The following NRF1 variants were observed in gnomAD, a reference collection of about 807,000 sequenced individuals.
NRF1 encodes the protein nuclear respiratory factor 1.
NRF1 carries 5 observed loss-of-function variants against 58.5 expected under a neutral mutation model. The ratio of observed to expected loss-of-function variants is 0.09; its 90% CI spans 0.04 to 0.18. NRF1 has a LOEUF of 0.18. Among genes scored for constraint, NRF1 ranks in the 10% least tolerant of loss-of-function variants. The pLI, the probability that NRF1 is intolerant of heterozygous loss-of-function variation, is 1.00. For synonymous variants in NRF1, 224 were observed against 246.7 expected, an observed-to-expected ratio of 0.91 and a Z score of 0.86; for missense variants, 288 against 657.7, an observed-to-expected ratio of 0.44 and a Z score of 6.15.
At chr7:129,660,283 T>TTCCAA (rs1381455046) in intron 2 of NRF1, among the ~76,000 whole-genome samples, 2 of 144,608 alleles carry the variant, frequency 1.4e-5, no homozygotes, top group East Asian at 3.9e-4. Context: ...AACCATATTA[T>TTCCAA]TCCACCCCTG....
At chr7:129,633,924 C>CTGTGGTGAT (rs1445686859) in intron 1 of NRF1, 2 of 150,656 alleles carry the variant, frequency 1.3e-5, no homozygotes, top group African/African-American at 4.9e-5. Context: ...TAACGGCAGG[C>CTGTGGTGAT]TGTGGTGATT....
At chr7:129,644,153 C>T (rs755743733) in intron 1 of NRF1, among the ~76,000 whole-genome samples, 6 of 152,174 alleles carry the variant, frequency 3.9e-5, no homozygotes, top group Non-Finnish European at 7.3e-5. Context: ...TTTTAAATGG[C>T]GAAAGCCTAC....
intron 10 of NRF1, among the ~76,000 whole-genome samples, chr7:129,740,555 C>G (rs1803822279): frequency 6.6e-6 from 1 of 152,190 alleles, no homozygotes; most frequent in South Asian, 2.1e-4. Flanking sequence ...ATTACCAGGC[C>G]TTTTCTGTCA....
In NRF1 at chr7:129,715,100, C is replaced by T. The variant is rs558551959; in HGVS notation, c.1066-2119C>T. On this transcript the variant is annotated intron_variant, in intron 8 of 10. Transcript: ENST00000393232. ...ATCAACCAGTATTTATTGAGCAAAACGGACTGAAGTAACTAGATACAGGTA... is the reference window on the plus strand; with the variant it reads ...ATCAACCAGTATTTATTGAGCAAAATGGACTGAAGTAACTAGATACAGGTA... 7.2e-5 allele frequency among the ~76,000 whole-genome samples: 11 copies of T among 152,260 alleles called. No homozygotes were observed. The East Asian group carries it at 1.5e-3, about 21-fold the overall frequency.
At chr7:129,716,147 A>C (rs1803183828) in intron 8 of NRF1, among the ~76,000 whole-genome samples, 1 of 152,216 alleles carries the variant, frequency 6.6e-6, no homozygotes. Context: ...GATATGTAGA[A>C]TATGCTGCCA....
intron 5 of NRF1, among the ~76,000 whole-genome samples, chr7:129,696,060 T>TTA (rs777936919): frequency 1.9e-5 from 1 of 53,388 alleles, no homozygotes; most frequent in African/African-American, 1.3e-4. Flanking sequence ...CCGTCTCTAC[T>TTA]AAAAAAAAAA....
intron 1 of NRF1, among the ~76,000 whole-genome samples, chr7:129,643,500 G>T (rs1801339549): frequency 1.3e-5 from 2 of 152,222 alleles, no homozygotes; most frequent in African/African-American, 2.4e-5. Flanking sequence ...GGGAGCAGCT[G>T]TGGACAAACA....
chr7:129,714,525 C>T (rs1803145227), intron 8 of NRF1, among the ~76,000 whole-genome samples: 1 of 152,136 alleles, frequency 6.6e-6, no homozygotes, highest in Non-Finnish European at 1.5e-5. Context: ...TGCAGCTTGC[C>T]TCTTATGGTG....
intron 4 of NRF1, among the ~76,000 whole-genome samples, chr7:129,683,288 A>AGTGTGT (rs35691853): frequency 0.031 from 4,396 of 140,282 alleles, 82 homozygotes; most frequent in Non-Finnish European, 0.04. Flanking sequence ...TCATGTGGAG[A>AGTGTGT]GTGTGTGTGT....
intron 4 of NRF1, among the ~76,000 whole-genome samples, chr7:129,689,772 C>T (rs1195232940): frequency 6.6e-6 from 1 of 152,194 alleles, no homozygotes; most frequent in Non-Finnish European, 1.5e-5. Flanking sequence ...TGTCACCAAG[C>T]CCTACCAGAA....
intron 10 of NRF1, among the ~76,000 whole-genome samples, chr7:129,735,726 C>T (rs968028905): frequency 1.3e-5 from 2 of 151,286 alleles, no homozygotes; most frequent in Non-Finnish European, 2.9e-5. Flanking sequence ...AACTATAAGA[C>T]CACCGGGCGC....
intron 10 of NRF1, among the ~76,000 whole-genome samples, chr7:129,733,168 A>G (rs1803623269): frequency 6.6e-6 from 1 of 152,200 alleles, no homozygotes; most frequent in Non-Finnish European, 1.5e-5. Context: ...TTTAAAGTTC[A>G]TTTGAAAGAA....
At chr7:129,675,547 G>A (rs1802157803) in intron 3 of NRF1, among the ~76,000 whole-genome samples, 1 of 152,160 alleles carries the variant, frequency 6.6e-6, no homozygotes, top group Non-Finnish European at 1.5e-5. Flanking sequence ...TGATCCATGG[G>A]CTGCAGAATG....
intron 10 of NRF1, among the ~76,000 whole-genome samples, chr7:129,750,548 T>G (rs182957734): frequency 6.6e-6 from 1 of 152,272 alleles, no homozygotes; most frequent in African/African-American, 2.4e-5. Context: ...AGAAACTCTA[T>G]GTAGAAAACA....
At chr7:129,746,599 C>T (rs1403715084) in intron 10 of NRF1, among the ~76,000 whole-genome samples, 2 of 152,176 alleles carry the variant, frequency 1.3e-5, no homozygotes, top group African/African-American at 4.8e-5. Flanking sequence ...CCTAGAAACA[C>T]CTATAGATAC....
intron 9 of NRF1, among the ~76,000 whole-genome samples, chr7:129,718,556 C>T (rs1163202269): frequency 2.0e-5 from 3 of 152,110 alleles, no homozygotes; most frequent in African/African-American, 4.8e-5. Context: ...ACTCTTATTG[C>T]GGAGACTGAT....
At chr7:129,754,984 A>T in intron 10 of NRF1, 34 bp from the exon 11 acceptor site, 1 of 1,530,336 alleles carries the variant, frequency 6.5e-7, no homozygotes, top group Non-Finnish European at 8.8e-7. Flanking sequence ...CTTGAGCCTG[A>T]GCCCCACCAA....
At chr7:129,728,388 G>C (rs577549622) in intron 10 of NRF1, among the ~76,000 whole-genome samples, 1 of 139,926 alleles carries the variant, frequency 7.1e-6, no homozygotes, top group South Asian at 2.3e-4. Context: ...AAAATCGCTT[G>C]AACCCGAGAG....
rs186163659 is a variant in NRF1, at chr7:129,673,280, T to C, written c.338+1737T>C. Among the ~76,000 whole-genome samples the C allele has an allele frequency of 1.7e-4, 26 of 152,254 alleles. No individual in the cohort carries two copies. The East Asian group carries it at 4.4e-3, about 26-fold the overall frequency. On this transcript the variant is annotated intron_variant, in intron 3 of 10. Coordinates refer to ENST00000393232, the MANE Select transcript of NRF1 (RefSeq NM_005011.5). The stretch of plus-strand genomic sequence containing the variant: ...ATTGGAGACAGTGAATATAAACCAT[T>C]GTTTCAAGGAATTCCATCAGATTTC...
Sources: gnomAD v4.1 joint callset for allele counts (sites outside exome capture counted in the v4.1 genomes callset) on GRCh38, gnomAD v4.1.1 for gene constraint, MANE v1.5 for transcripts, NCBI Gene and HGNC (gene_info 2026-07-23, HGNC 2026-07-21) for gene names.